Variants in NT5C3B observed in about 807,000 individuals in gnomAD.
The protein encoded by NT5C3B is 7-methylguanosine phosphate-specific 5'-nucleotidase.
NT5C3B carries 28 observed loss-of-function variants against 32.5 expected under a neutral mutation model. That is an observed-to-expected ratio of 0.86 (90% confidence interval 0.64 to 1.18). The LOEUF (loss-of-function observed/expected upper bound fraction) is 1.18. Among genes scored for constraint, NT5C3B ranks in the 50% most tolerant of loss-of-function variants. The pLI is 0.00. For missense variants in NT5C3B, 317 were observed against 322.0 expected (o/e 0.98, Z 0.12); for synonymous variants, 138 against 118.0 (o/e 1.17, Z -1.10).
chr17:41,829,347 A>G (rs1313433869), intron 6 of NT5C3B, among the ~76,000 whole-genome samples: 21 of 152,162 alleles, frequency 1.4e-4, no homozygotes, highest in Non-Finnish European at 2.1e-4. Context: ...GCAAGAGAAC[A>G]AGACTCCATC....
rs540784133 is a variant in NT5C3B, at chr17:41,827,308, T to A, written c.768+118A>T. 730 of 457,966 alleles carry A rather than the reference T, an allele frequency of 1.6e-3. 5 individuals carry two copies. Among genetic ancestry groups the A allele is most frequent in the African/African-American group, 9.0e-3 (436 of 48,352 alleles). 28.4% of individuals were successfully genotyped at this position (457,966 alleles called of 1,614,324 possible). A position where few individuals can be genotyped will look rare whatever the true frequency, so the allele number is the denominator to read the frequency against. On this transcript the variant is annotated intron_variant, in intron 8 of 8. Transcript: ENST00000435506. ...AGTGAGACCCCGTCTCAAAAAAAAA[T>A]AAAATAAAATAAAATAAAAATAGAA...
chr17:41,831,369 GACAA>G (rs2048049431), intron 5 of NT5C3B, among the ~76,000 whole-genome samples: 1 of 150,186 alleles, frequency 6.7e-6, no homozygotes, highest in Admixed American at 6.6e-5. Context: ...ACCCAACAGA[GACAA>G]GTGCTGGGCA....
chr17:41,831,645 C>A (rs1362154908), intron 5 of NT5C3B, among the ~76,000 whole-genome samples: 3 of 152,202 alleles, frequency 2.0e-5, no homozygotes, highest in Admixed American at 1.3e-4. Flanking sequence ...ACTCTCTTTG[C>A]CCTTCCACAA....
At chr17:41,826,916 C>G (rs1435850078) in intron 8 of NT5C3B, among the ~76,000 whole-genome samples, 6 of 150,238 alleles carry the variant, frequency 4.0e-5, no homozygotes, top group Non-Finnish European at 5.9e-5. Context: ...AGAAGAATCA[C>G]TTGAACCTGG....
intron 8 of NT5C3B, among the ~76,000 whole-genome samples, chr17:41,826,977 G>A (rs1199334941): frequency 1.4e-5 from 2 of 147,706 alleles, no homozygotes; most frequent in Admixed American, 6.8e-5. Flanking sequence ...TGTAGCCTGC[G>A]GAACAGAGTG....
In NT5C3B at chr17:41,828,797, T is replaced by C; in HGVS notation, c.560A>G (p.Asn187Ser). 6.2e-7 allele frequency: 1 copy of C among 1,613,222 alleles called. No homozygotes were observed. Reference sequence around the variant, plus strand: ...AAACAGGATTTGGCTCACATCTTCATTAAAATCCATGTAGTTAGACACGAT... The same window carrying C: ...AAACAGGATTTGGCTCACATCTTCACTAAAATCCATGTAGTTAGACACGAT... ...IHIVSNYMDF[N>S]EDGFLQGFKG... is the part of the protein sequence containing the mutation. Residue 187 changes from asparagine to serine, a missense_variant, in exon 7 of 9, where the codon AAT (asparagine) becomes AGT (serine). Coordinates refer to ENST00000435506, the MANE Select transcript of NT5C3B (RefSeq NM_052935.5).
chr17:41,825,751 T>C, intron 8 of NT5C3B, 94 bp from the exon 9 acceptor site: 1 of 825,048 alleles, frequency 1.2e-6, no homozygotes, highest in Non-Finnish European at 2.1e-6. Flanking sequence ...GAGGAGAGCA[T>C]TCAAGCAGCA....
intron 5 of NT5C3B, among the ~76,000 whole-genome samples, chr17:41,831,922 G>A (rs908838708): frequency 1.3e-5 from 2 of 152,130 alleles, no homozygotes; most frequent in African/African-American, 2.4e-5. Context: ...CAGGCACAGT[G>A]GCACGTGCCC....
intron 5 of NT5C3B, among the ~76,000 whole-genome samples, chr17:41,831,523 A>G (rs1418624082): frequency 1.3e-5 from 2 of 152,140 alleles, no homozygotes; most frequent in African/African-American, 4.8e-5. Context: ...GGAGGTGTTG[A>G]GAGATGGGGC....
chr17:41,826,227 CTTTCTTTCTTTT>C (rs2047960290), intron 8 of NT5C3B, among the ~76,000 whole-genome samples: 1 of 151,002 alleles, frequency 6.6e-6, no homozygotes, highest in South Asian at 2.1e-4. Flanking sequence ...TTCTTTCTTT[CTTTCTTTCTTTT>C]TTGAGATAGG....
At chr17:41,828,364 G>C (rs903604369) in intron 7 of NT5C3B, 1 of 158,174 alleles carries the variant, frequency 6.3e-6, no homozygotes, top group Admixed American at 6.1e-5. Flanking sequence ...TGAAGACAGA[G>C]TCTTACTCTG....
chr17:41,832,726 G>A (rs148669014), intron 4 of NT5C3B: 103 of 301,874 alleles, frequency 3.4e-4, no homozygotes, highest in African/African-American at 1.5e-3. Context: ...AAAATTAGCC[G>A]GTGTAGTGGC....
chr17:41,827,289 AC>A (rs1350120502), intron 8 of NT5C3B, 136 bp downstream of exon 8: 4 of 390,316 alleles, frequency 1.0e-5, no homozygotes, highest in Middle Eastern at 7.1e-4. Flanking sequence ...ACAGAGTGAG[AC>A]CCCGTCTCAA....
At position 41,828,803 on chromosome 17, in the gene NT5C3B, T is replaced by G; in HGVS notation, c.554A>C (p.Asp185Ala). ...GATTTGGCTCACATCTTCATTAAAATCCATGTAGTTAGACACGATGTGGAT... is the reference window on the plus strand; with the variant it reads ...GATTTGGCTCACATCTTCATTAAAAGCCATGTAGTTAGACACGATGTGGAT... ...PNIHIVSNYM[D>A]FNEDGFLQGF... Residue 185 changes from aspartate to alanine, a missense_variant, in exon 7 of 9, where the codon GAT (aspartate) becomes GCT (alanine). By Grantham distance (126) the Asp-to-Ala change is moderately radical. Coordinates refer to ENST00000435506, the MANE Select transcript of NT5C3B (RefSeq NM_052935.5). The G allele has an allele frequency of 6.2e-7, 1 of 1,613,510 alleles. No homozygotes were observed. Among genetic ancestry groups the G allele is most frequent in the South Asian group, 1.1e-5 (1 of 91,006 alleles).
intron 4 of NT5C3B, among the ~76,000 whole-genome samples, chr17:41,833,074 G>GTGT (rs1555619266): frequency 9.8e-4 from 149 of 152,232 alleles, no homozygotes; most frequent in African/African-American, 3.6e-3. Flanking sequence ...TCATTCCTTT[G>GTGT]TACTCACCCT....
Position 41,828,159 on chromosome 17 carries a change from A to AG in NT5C3B, c.568-534dup, listed in dbSNP as rs1174044197. Among the ~76,000 whole-genome samples, 6 of 152,226 alleles carry AG rather than the reference A, an allele frequency of 3.9e-5. No homozygotes were observed. The South Asian group carries it at 1.2e-3, about 32-fold the overall frequency. On this transcript the variant is annotated intron_variant, in intron 7 of 8. Coordinates refer to ENST00000435506, the MANE Select transcript of NT5C3B (RefSeq NM_052935.5). ...AAAAGTCAGAACGTGGATGAGTTGG[A>AG]GCAGCCCACCTCTGGCTTGGGAAAA...
Position 41,828,817 on chromosome 17 carries a change from C to T in NT5C3B, c.540G>A (p.Val180=), listed in dbSNP as rs369991306. ...MKVFHPNIHI[V]SNYMDFNEDG... is the part of the protein sequence containing the mutation. ...CTTCATTAAAATCCATGTAGTTAGACACGATGTGGATGTTGGGGTGGAACA... is the reference window on the plus strand; with the variant it reads ...CTTCATTAAAATCCATGTAGTTAGATACGATGTGGATGTTGGGGTGGAACA... The change falls in exon 7 of 9, where the codon GTG becomes GTA. Residue 180 remains valine, a synonymous_variant. Transcript: ENST00000435506. 4.5e-5 allele frequency: 73 copies of T among 1,613,740 alleles called. No individual in the cohort carries two copies. The highest frequency in any genetic ancestry group is 8.0e-5 in the African/African-American group (6 of 74,892).
intron 4 of NT5C3B, among the ~76,000 whole-genome samples, chr17:41,833,002 A>C (rs1363156177): frequency 1.2e-4 from 19 of 152,196 alleles, no homozygotes; most frequent in African/African-American, 4.6e-4. Flanking sequence ...ATAATCGCTC[A>C]ATACACTCAC....
chr17:41,825,799 G>C, intron 8 of NT5C3B, 142 bp from the exon 9 acceptor site: 1 of 745,378 alleles, frequency 1.3e-6, no homozygotes, highest in Non-Finnish European at 2.3e-6. Flanking sequence ...GGAGTTCAAG[G>C]TTACCGGGCC....
Sources: gnomAD v4.1 joint callset for allele counts (sites outside exome capture counted in the v4.1 genomes callset) on GRCh38, gnomAD v4.1.1 for gene constraint, MANE v1.5 for transcripts, NCBI Gene and HGNC (gene_info 2026-07-23, HGNC 2026-07-21) for gene names.